INVS: variants seen among roughly 807,000 people sequenced by gnomAD.
The protein encoded by INVS is inversion of embryo turning homolog.
A neutral mutation model predicts 108.8 loss-of-function variants in INVS; 86 were observed. The ratio of observed to expected loss-of-function variants is 0.79; its 90% CI spans 0.66 to 0.95. The LOEUF (loss-of-function observed/expected upper bound fraction) is 0.95. INVS is among the 40% of genes least tolerant of loss of function. The pLI, the probability that INVS is intolerant of heterozygous loss-of-function variation, is 0.00. For synonymous variants in INVS, 455 were observed against 473.5 expected, an observed-to-expected ratio of 0.96 and a Z score of 0.51; for missense variants, 1,169 against 1,297.4, an observed-to-expected ratio of 0.90 and a Z score of 1.52.
At chr9:100,112,818 A>G (rs1827383934) in intron 2 of INVS, among the ~76,000 whole-genome samples, 1 of 152,224 alleles carries the variant, frequency 6.6e-6, no homozygotes, top group Non-Finnish European at 1.5e-5. Flanking sequence ...CCAGAATGTG[A>G]GATGGCCTCT....
chr9:100,293,906 T>C (rs1401930193), intron 14 of INVS, among the ~76,000 whole-genome samples: 4 of 152,192 alleles, frequency 2.6e-5, no homozygotes, highest in Admixed American at 2.6e-4. Flanking sequence ...CTTACACCTG[T>C]AACCCCAGCA....
intron 3 of INVS, among the ~76,000 whole-genome samples, chr9:100,153,440 G>T (rs1332341314): frequency 6.6e-6 from 1 of 152,072 alleles, no homozygotes; most frequent in Non-Finnish European, 1.5e-5. Context: ...ATGAAAATAT[G>T]CTCAATATTG....
At chr9:100,209,542 G>A (rs1161202613) in intron 3 of INVS, among the ~76,000 whole-genome samples, 2 of 152,048 alleles carry the variant, frequency 1.3e-5, no homozygotes, top group Non-Finnish European at 2.9e-5. Context: ...AGGCCAAGGC[G>A]GGAGGATCAC....
Position 100,301,148 on chromosome 9 carries a change from C to A in INVS, c.*474C>A. 8.9e-6 allele frequency: 1 copy of A among 112,986 alleles called. No homozygotes were observed. Among genetic ancestry groups the A allele is most frequent in the East Asian group, 6.8e-4 (1 of 1,470 alleles). The allele number at this position is 112,986 out of a possible 1,614,324, so 7.0% of individuals were successfully genotyped here. On this transcript the variant is annotated 3_prime_UTR_variant, in exon 17 of 17. Transcript: ENST00000262457. ...TAATGCAACAAACTTATCACACACA[C>A]ACACACACACACACACACACACACA... is the stretch of plus-strand genomic sequence containing the variant.
chr9:100,291,334 A>G (rs1451713852), intron 13 of INVS, among the ~76,000 whole-genome samples: 1 of 152,192 alleles, frequency 6.6e-6, no homozygotes, highest in East Asian at 1.9e-4. Flanking sequence ...TGCTGGGATT[A>G]CAGGCATGAG....
At chr9:100,210,362 T>A (rs1333202956) in intron 3 of INVS, among the ~76,000 whole-genome samples, 4 of 152,020 alleles carry the variant, frequency 2.6e-5, no homozygotes, top group Admixed American at 6.6e-5. Flanking sequence ...GGAGTGGGAG[T>A]AAGATTTGAA....
At chr9:100,209,889 T>A (rs1333616256) in intron 3 of INVS, among the ~76,000 whole-genome samples, 1 of 152,142 alleles carries the variant, frequency 6.6e-6, no homozygotes, top group Non-Finnish European at 1.5e-5. Context: ...CTTTTGGGCT[T>A]CAGTGTCCTG....
chr9:100,284,592 G>A lies in INVS; in HGVS notation c.2057G>A (p.Arg686Lys). ...TCAGATTTGCAGGGAACAAACTCCA[G>A]AAGGCCAAATGGTAGGTGTATTGCC... Reference protein sequence around the residue: ...VSSDLQGTNSRRPNETAREHS... With the variant: ...VSSDLQGTNSKRPNETAREHS... Residue 686 changes from arginine (R) to lysine (K), a missense_variant, in exon 13 of 17, where the codon AGA becomes AAA. By Grantham distance (26) the Arg-to-Lys change is conservative (BLOSUM62 2). This residue lies in a region of INVS where 533 missense variants were observed against 536.0 expected (regional missense o/e 0.99). Coordinates refer to ENST00000262457, the MANE Select transcript of INVS (RefSeq NM_014425.5). 6.2e-7 allele frequency: 1 copy of A among 1,613,466 alleles called. No individual in the cohort carries two copies. Among genetic ancestry groups the A allele is most frequent in the Admixed American group, 1.7e-5 (1 of 59,972 alleles).
intron 3 of INVS, among the ~76,000 whole-genome samples, chr9:100,186,173 G>A (rs781435077): frequency 1.3e-4 from 19 of 151,640 alleles, no homozygotes; most frequent in Non-Finnish European, 2.5e-4. Context: ...TCTTTGAGAT[G>A]GAGTTTCACT....
chr9:100,259,590 C>T (rs1331652069), intron 10 of INVS, among the ~76,000 whole-genome samples: 3 of 141,874 alleles, frequency 2.1e-5, no homozygotes, highest in African/African-American at 5.4e-5. Flanking sequence ...CAGGCTGGAG[C>T]GCAGTGGTGC....
Position 100,293,029 on chromosome 9 carries a change from G to A in INVS, c.2772G>A (p.Gln924=). Residue 924 remains glutamine, a synonymous_variant, in exon 14 of 17, where the codon CAG becomes CAA. Coordinates refer to ENST00000262457, the MANE Select transcript of INVS (RefSeq NM_014425.5). ...RKKNKAAAVI[Q]RAWRSYQLRK... The stretch of plus-strand genomic sequence containing the variant: ...AGAACAAGGCAGCAGCAGTCATCCA[G>A]CGCGCCTGGCGAAGGTAGGAAAATG... The A allele has an allele frequency of 6.2e-7, 1 of 1,613,794 alleles. No individual in the cohort carries two copies. The highest frequency in any genetic ancestry group is 8.5e-7 in the Non-Finnish European group (1 of 1,180,026).
chr9:100,287,780 T>C (rs957428218), intron 13 of INVS, among the ~76,000 whole-genome samples: 2 of 152,208 alleles, frequency 1.3e-5, no homozygotes, highest in African/African-American at 4.8e-5. Context: ...CCTCTTTTCT[T>C]TATAAATTAC....
intron 13 of INVS, among the ~76,000 whole-genome samples, chr9:100,288,561 A>G (rs1833515656): frequency 6.6e-6 from 1 of 151,932 alleles, no homozygotes; most frequent in Non-Finnish European, 1.5e-5. Context: ...TGTCGAGCTG[A>G]GAGGGCCTAT....
chr9:100,225,062 G>GTTT (rs773615807), intron 3 of INVS, among the ~76,000 whole-genome samples: 3 of 140,672 alleles, frequency 2.1e-5, no homozygotes, highest in Middle Eastern at 3.8e-3. Flanking sequence ...TGGTTTTTTT[G>GTTT]TTTTTTTTTT....
Position 100,116,772 on chromosome 9 carries a change from C to T in INVS, c.107-9611C>T, listed in dbSNP as rs934075487. The T allele has an allele frequency of 3.6e-6, 5 of 1,393,268 alleles. No individual in the cohort carries two copies. The African/African-American group carries it at 5.8e-5, about 16-fold the overall frequency. The allele number at this position is 1,393,268 out of a possible 1,614,324, so 86.3% of individuals were successfully genotyped here. On this transcript the variant is annotated intron_variant, in intron 2 of 16. Coordinates refer to ENST00000262457, the MANE Select transcript of INVS (RefSeq NM_014425.5). ...ATAAAACCCTATGTTGTAGCCACAG[C>T]TGGAGCCTGAGTCCGCTGCACGGAG...
In INVS at chr9:100,284,627, T is replaced by C. The variant is rs760802055; in HGVS notation, c.2068+24T>C. On this transcript the variant is annotated intron_variant, in intron 13 of 16. Transcript: ENST00000262457. ...TGGTAGGTGTATTGCCTTTGTCATC[T>C]TCTGCCGGCCCATGGACTGTGGGCT... The C allele has an allele frequency of 3.7e-6, 6 of 1,609,388 alleles. No homozygotes were observed. The South Asian group carries it at 6.6e-5, about 18-fold the overall frequency.
chr9:100,122,262 G>C (rs1564121829), intron 2 of INVS, among the ~76,000 whole-genome samples: 2 of 152,174 alleles, frequency 1.3e-5, no homozygotes, highest in Non-Finnish European at 2.9e-5. Context: ...ATTATTGAGA[G>C]AAGAGTGTTG....
At position 100,301,474 on chromosome 9, in the gene INVS, T is replaced by A. The variant is rs909750787; in HGVS notation, c.*800T>A. ...CAAGGTGCTAACTCAGGCGTCAACG[T>A]TCTACTTGTATTTTCTGACCAACTT... is the stretch of plus-strand genomic sequence containing the variant. On this transcript the variant is annotated 3_prime_UTR_variant, in exon 17 of 17. Transcript: ENST00000262457. Among the ~76,000 whole-genome samples, 1 of 152,158 alleles carries A rather than the reference T, an allele frequency of 6.6e-6. No homozygotes were observed. The highest frequency in any genetic ancestry group is 1.9e-4 in the East Asian group (1 of 5,190).
chr9:100,261,684 G>A (rs1832628368), intron 10 of INVS, among the ~76,000 whole-genome samples: 2 of 152,058 alleles, frequency 1.3e-5, no homozygotes, highest in African/African-American at 4.8e-5. Context: ...GTATTGCTTT[G>A]GATTGTCTAC....
Sources: gnomAD v4.1 joint callset for allele counts (sites outside exome capture counted in the v4.1 genomes callset) on GRCh38, gnomAD v4.1.1 for gene constraint, gnomAD v4.1.1 regional missense constraint, MANE v1.5 for transcripts, NCBI Gene and HGNC (gene_info 2026-07-23, HGNC 2026-07-21) for gene names.